MTF2: variants seen among roughly 807,000 people sequenced by gnomAD.
MTF2 encodes metal-response element-binding transcription factor 2.
Under a neutral mutation model 79.5 loss-of-function variants are expected in MTF2, and 11 were observed. That is an observed-to-expected ratio of 0.14 (90% CI 0.09 to 0.23). MTF2 has a LOEUF of 0.23. MTF2 is among the 10% of genes least tolerant of loss of function. The pLI is 1.00. For synonymous variants in MTF2, 208 were observed against 232.8 expected (o/e 0.89, Z 0.97); for missense variants, 486 against 711.2 (o/e 0.68, Z 3.60).
chr1:93,083,161 A>G (rs1654675948), intron 1 of MTF2, among the ~76,000 whole-genome samples: 1 of 152,212 alleles, frequency 6.6e-6, no homozygotes, highest in Non-Finnish European at 1.5e-5. Flanking sequence ...TGAAGTGGCC[A>G]CAGCAGGAGG....
rs376183013 is a variant in MTF2, at chr1:93,127,267, T to C, written c.957T>C (p.His319=). Residue 319 remains histidine (H), a synonymous_variant, in exon 10 of 15, where the codon CAT becomes CAC. Coordinates refer to ENST00000370298, the MANE Select transcript of MTF2 (RefSeq NM_007358.4). ...CACCAAAATCTGAAAGATATGAGCA[T>C]GTTCTGGAGGCATTAAATGATTACA... ...ADTPKSERYE[H]VLEALNDYKT... 4.3e-6 allele frequency: 7 copies of C among 1,612,586 alleles called. No individual in the cohort carries two copies. Among genetic ancestry groups the C allele is most frequent in the African/African-American group, 1.3e-5 (1 of 74,906 alleles).
rs111285131 is a variant in MTF2, at chr1:93,133,369, A to G, written c.1161-334A>G. On this transcript the variant is annotated intron_variant, in intron 11 of 14. Coordinates refer to ENST00000370298, the MANE Select transcript of MTF2 (RefSeq NM_007358.4). ...AATTAAACTATATAATTGAGCTTTT[A>G]GGAGTTTTGAAATCTTCCATCCAGT... Among the ~76,000 whole-genome samples the G allele has an allele frequency of 7.0e-3, 1,061 of 152,236 alleles. 14 individuals are homozygous for G. Among genetic ancestry groups the G allele is most frequent in the African/African-American group, 0.013 (520 of 41,564 alleles).
intron 1 of MTF2, 49 bp downstream of exon 1, chr1:93,079,580 T>C (rs1405455251): frequency 2.5e-5 from 37 of 1,492,606 alleles, no homozygotes; most frequent in Non-Finnish European, 3.3e-5. Flanking sequence ...AGATGGGGGT[T>C]GGGGGAAGGA....
In MTF2 at chr1:93,079,404, AT is replaced by A. The variant is rs1159791605; in HGVS notation, c.-122del. On this transcript the variant is annotated 5_prime_UTR_variant, in exon 1 of 15. An upstream start codon of the reference 5' UTR is lost. Transcript: ENST00000370298. ...CAAGGACCTCGGTTTGTGCGTGCATATGTGCCGGGTACCCGGTGGGGCGGGT... is the reference window on the plus strand; with the variant it reads ...CAAGGACCTCGGTTTGTGCGTGCATAGTGCCGGGTACCCGGTGGGGCGGGT... 2 of 1,244,272 alleles carry A rather than the reference AT, an allele frequency of 1.6e-6. No individual in the cohort carries two copies. The highest frequency in any genetic ancestry group is 2.9e-5 in the African/African-American group (2 of 67,870). 77.1% of individuals were successfully genotyped at this position (1,244,272 alleles called of 1,614,324 possible).
intron 1 of MTF2, among the ~76,000 whole-genome samples, chr1:93,098,356 A>C (rs1032265540): frequency 2.6e-5 from 4 of 152,184 alleles, no homozygotes; most frequent in Admixed American, 1.3e-4. Flanking sequence ...TAGGAATTAC[A>C]CTGCATATAG....
At chr1:93,125,868 T>G (rs1656675639) in intron 9 of MTF2, among the ~76,000 whole-genome samples, 1 of 152,076 alleles carries the variant, frequency 6.6e-6, no homozygotes, top group African/African-American at 2.4e-5. Flanking sequence ...GAAAGAGCTC[T>G]GGGGAGGAAG....
chr1:93,121,424 A>G, intron 9 of MTF2: 1 of 896,846 alleles, frequency 1.1e-6, no homozygotes, highest in Non-Finnish European at 1.3e-6. Context: ...GTTTTATAAT[A>G]TGGAATTTGA....
chr1:93,079,847 G>A (rs1189027265), intron 1 of MTF2, among the ~76,000 whole-genome samples: 1 of 151,496 alleles, frequency 6.6e-6, no homozygotes, highest in African/African-American at 2.4e-5. Context: ...GGCGGGAGAC[G>A]GTTGGAGGGG....
At position 93,079,661 on chromosome 1, in the gene MTF2, G is replaced by A. The variant is rs1046614984; in HGVS notation, c.5+130G>A. 121 of 1,198,814 alleles carry A rather than the reference G, an allele frequency of 1.0e-4. 1 individual carries two copies. Among genetic ancestry groups the A allele is most frequent in the Non-Finnish European group, 1.2e-4 (100 of 820,638 alleles). 74.3% of individuals were successfully genotyped at this position (1,198,814 alleles called of 1,614,324 possible). On this transcript the variant is annotated intron_variant, in intron 1 of 14. Transcript: ENST00000370298. ...TGGGGGTGGGGGCTCCTGTATGTGGGTGCCTTTGCATTTATGTGTATATTG... is the reference window on the plus strand; with the variant it reads ...TGGGGGTGGGGGCTCCTGTATGTGGATGCCTTTGCATTTATGTGTATATTG...
Position 93,138,879 on chromosome 1 carries a change from G to C in MTF2, c.*1852G>C, listed in dbSNP as rs369639137. 1 of 152,128 alleles carries C rather than the reference G, an allele frequency of 6.6e-6. No individual in the cohort carries two copies. 9.4% of individuals were successfully genotyped at this position (152,128 alleles called of 1,614,324 possible). On this transcript the variant is annotated 3_prime_UTR_variant, in exon 15 of 15. Transcript: ENST00000370298. ...CTTTAATTCTAACTGAACACCAGCA[G>C]TATTTTTAGAAATTTTTCTTTAACA...
intron 1 of MTF2, among the ~76,000 whole-genome samples, chr1:93,092,098 A>G (rs1430600429): frequency 6.6e-6 from 1 of 151,788 alleles, no homozygotes; most frequent in Non-Finnish European, 1.5e-5. Context: ...CTCTTATTAT[A>G]TATGTTTGGT....
intron 11 of MTF2, 22 bp downstream of exon 11, chr1:93,129,470 A>T (rs763653475): frequency 6.8e-7 from 1 of 1,463,834 alleles, no homozygotes; most frequent in Non-Finnish European, 9.1e-7. Context: ...TCTGTGGCTT[A>T]GTTTTTCTCT....
Position 93,079,449 on chromosome 1 carries a change from C to G in MTF2, c.-78C>G, listed in dbSNP as rs372939500. The G allele has an allele frequency of 1.9e-6, 3 of 1,597,562 alleles. No individual in the cohort carries two copies. Among genetic ancestry groups the G allele is most frequent in the East Asian group, 2.2e-5 (1 of 44,776 alleles). On this transcript the variant is annotated 5_prime_UTR_variant, in exon 1 of 15. Transcript: ENST00000370298. ...GGCGGGTGCCCAGTAAGTGCTCGGACTCGCAGGGGAAGCGCCCACGGGGAC... is the reference window on the plus strand; with the variant it reads ...GGCGGGTGCCCAGTAAGTGCTCGGAGTCGCAGGGGAAGCGCCCACGGGGAC...
At chr1:93,085,129 A>G (rs1266211028) in intron 1 of MTF2, among the ~76,000 whole-genome samples, 1 of 152,052 alleles carries the variant, frequency 6.6e-6, no homozygotes, top group Non-Finnish European at 1.5e-5. Flanking sequence ...TAAAATTTCA[A>G]AGCATTGTCA....
At chr1:93,097,119 A>G (rs1655324646) in intron 1 of MTF2, among the ~76,000 whole-genome samples, 1 of 151,974 alleles carries the variant, frequency 6.6e-6, no homozygotes, top group Non-Finnish European at 1.5e-5. Flanking sequence ...CTAAAAGTAT[A>G]TGTCTTGATT....
intron 1 of MTF2, among the ~76,000 whole-genome samples, chr1:93,101,013 G>T (rs1300164977): frequency 2.6e-5 from 4 of 152,194 alleles, no homozygotes; most frequent in Non-Finnish European, 5.9e-5. Context: ...GAAATTGTGG[G>T]CATGGGAAAG....
At chr1:93,114,892 A>T (rs2101064510) in intron 4 of MTF2, 96 bp from the exon 5 acceptor site, 1 of 1,203,606 alleles carries the variant, frequency 8.3e-7, no homozygotes, top group Non-Finnish European at 1.2e-6. Context: ...TTTATTAATT[A>T]TATTAATGTA....
At position 93,133,749 on chromosome 1, in the gene MTF2, G is replaced by C. The variant is rs1647243144; in HGVS notation, c.1207G>C (p.Gly403Arg). The C allele has an allele frequency of 6.2e-7, 1 of 1,612,190 alleles. No homozygotes were observed. The highest frequency in any genetic ancestry group is 1.3e-5 in the African/African-American group (1 of 74,818). The change falls in exon 12 of 15, where the codon GGT becomes CGT. Residue 403 changes from glycine to arginine, a missense_variant. Physicochemically the swap from Gly to Arg is moderately radical, Grantham distance 125. Coordinates refer to ENST00000370298, the MANE Select transcript of MTF2 (RefSeq NM_007358.4). Reference protein sequence around the residue: ...IEKKGKKKSVGRPPGPYTRKM... With the variant: ...IEKKGKKKSVRRPPGPYTRKM... ...AAAAAAAGGAAAGAAAAAATCTGTA[G>C]GTCGTCCACCTGGCCCATATACAAG...
chr1:93,137,462 A>T lies in MTF2; in HGVS notation c.*435A>T, dbSNP rs1647448385. Reference sequence around the variant, plus strand: ...GGAAAAATTTATTTCAATACCTTTTAGATTTCATAAAGTGCAGTGTATATA... The same window carrying T: ...GGAAAAATTTATTTCAATACCTTTTTGATTTCATAAAGTGCAGTGTATATA... On this transcript the variant is annotated 3_prime_UTR_variant, in exon 15 of 15. Transcript: ENST00000370298. The T allele has an allele frequency of 6.3e-6, 1 of 157,572 alleles. No homozygotes were observed. The highest frequency in any genetic ancestry group is 2.4e-5 in the African/African-American group (1 of 41,488). 9.8% of individuals were successfully genotyped at this position (157,572 alleles called of 1,614,324 possible).
Sources: allele counts gnomAD v4.1 joint callset (sites outside exome capture counted in the v4.1 genomes callset), GRCh38; gene constraint gnomAD v4.1.1; transcripts MANE v1.5; gene names NCBI Gene and HGNC (gene_info 2026-07-23, HGNC 2026-07-21).